Variants in TMTC2 observed in about 807,000 individuals in gnomAD.
TMTC2 encodes transmembrane O-mannosyltransferase targeting cadherins 2.
A neutral mutation model predicts 82.4 loss-of-function variants in TMTC2; 43 were observed. The observed-to-expected ratio is 0.52, with a 90% confidence interval of 0.41 to 0.67. TMTC2 has a LOEUF of 0.67. Among genes scored for constraint, TMTC2 ranks in the 30% least tolerant of loss-of-function variants. The pLI is 0.00. For synonymous variants in TMTC2, 408 were observed against 381.9 expected (o/e 1.07, Z -0.80); for missense variants, 919 against 1,012.4 (o/e 0.91, Z 1.25).
At chr12:83,125,860 A>G (rs1885083671) in intron 11 of TMTC2, among the ~76,000 whole-genome samples, 1 of 152,214 alleles carries the variant, frequency 6.6e-6, no homozygotes, top group South Asian at 2.1e-4. Context: ...GACTCCTGTT[A>G]TATTAATGCA....
intron 2 of TMTC2, among the ~76,000 whole-genome samples, chr12:82,863,625 G>T (rs1284954017): frequency 2.0e-5 from 3 of 152,138 alleles, no homozygotes; most frequent in East Asian, 1.9e-4. Context: ...TATTCCAGTT[G>T]CAGTTTAAGT....
At chr12:83,003,934 G>A (rs147214112) in intron 8 of TMTC2, among the ~76,000 whole-genome samples, 18 of 152,066 alleles carry the variant, frequency 1.2e-4, no homozygotes, top group Middle Eastern at 3.4e-3. Flanking sequence ...GAAAATTTTC[G>A]TGAACTCTTA....
At chr12:83,014,917 C>T (rs1655604) in intron 8 of TMTC2, among the ~76,000 whole-genome samples, 119,946 of 152,062 alleles carry the variant, frequency 0.79, 48,164 homozygotes, top group South Asian at 0.93. Context: ...CTATCTTTGT[C>T]ACAGTCTCAT....
intron 7 of TMTC2, among the ~76,000 whole-genome samples, chr12:82,971,622 A>T (rs1485728116): frequency 6.6e-6 from 1 of 152,130 alleles, no homozygotes; most frequent in African/African-American, 2.4e-5. Context: ...ATTTAAAATA[A>T]AATGACTTGG....
chr12:83,066,485 A>G (rs528669377), intron 11 of TMTC2, among the ~76,000 whole-genome samples: 1 of 152,118 alleles, frequency 6.6e-6, no homozygotes, highest in South Asian at 2.1e-4. Flanking sequence ...TGGAGTTTGT[A>G]TTTTAAAATG....
intron 3 of TMTC2, among the ~76,000 whole-genome samples, chr12:82,898,651 A>G (rs1020047888): frequency 6.6e-6 from 1 of 152,204 alleles, no homozygotes; most frequent in Non-Finnish European, 1.5e-5. Context: ...TTATGGTCCA[A>G]GATGGCTCAT....
At chr12:82,703,224 A>G (rs534491267) in intron 1 of TMTC2, among the ~76,000 whole-genome samples, 2 of 151,986 alleles carry the variant, frequency 1.3e-5, no homozygotes, top group Non-Finnish European at 2.9e-5. Flanking sequence ...AGAACTAACA[A>G]AAGACTAGTA....
chr12:82,826,352 T>C (rs1869422591), intron 1 of TMTC2, among the ~76,000 whole-genome samples: 1 of 152,198 alleles, frequency 6.6e-6, no homozygotes, highest in South Asian at 2.1e-4. Context: ...ACGAATACCA[T>C]GTTGATATTC....
chr12:82,759,480 A>T (rs1321467226), intron 1 of TMTC2: 1 of 152,180 alleles, frequency 6.6e-6, no homozygotes, highest in African/African-American at 2.4e-5. Context: ...AAGCACTTTT[A>T]TGTGAAGAGG....
chr12:83,071,668 A>G (rs1162410417), intron 11 of TMTC2, among the ~76,000 whole-genome samples: 1 of 152,144 alleles, frequency 6.6e-6, no homozygotes, highest in Non-Finnish European at 1.5e-5. Context: ...TTTAATTACC[A>G]TTTTAATCTC....
chr12:82,772,107 G>T (rs1020161660), intron 1 of TMTC2, among the ~76,000 whole-genome samples: 2 of 152,108 alleles, frequency 1.3e-5, no homozygotes, highest in Admixed American at 1.3e-4. Context: ...TGCATTTGTT[G>T]TTTAACTGAA....
rs757827006 is a variant in TMTC2 at position 82,687,623 on chromosome 12, G to A, written c.37G>A (p.Ala13Thr). Residue 13 changes from alanine to threonine, a missense_variant, in exon 1 of 12, where the codon GCC becomes ACC. By Grantham distance (58) the Ala-to-Thr change is moderately conservative. Transcript: ENST00000321196. Reference sequence around the variant, plus strand: ...GTTGGTGAGCAGCGCTCTGGGGCTCGCCTTGTATCTCAACACCCTGAGTGC... The same window carrying A: ...GTTGGTGAGCAGCGCTCTGGGGCTCACCTTGTATCTCAACACCCTGAGTGC... ...AELVSSALGL[A>T]LYLNTLSADF... 3.1e-6 allele frequency: 5 copies of A among 1,604,050 alleles called. No individual in the cohort carries two copies. The highest frequency in any genetic ancestry group is 4.2e-6 in the Non-Finnish European group (5 of 1,176,622).
At chr12:82,696,963 C>CA (rs1491534159) in intron 1 of TMTC2, among the ~76,000 whole-genome samples, 1 of 121,348 alleles carries the variant, frequency 8.2e-6, no homozygotes, top group Admixed American at 8.5e-5. Flanking sequence ...TACATACATA[C>CA]GTATATATAT....
At chr12:83,079,385 G>C (rs552193484) in intron 11 of TMTC2, among the ~76,000 whole-genome samples, 1 of 152,086 alleles carries the variant, frequency 6.6e-6, no homozygotes, top group Non-Finnish European at 1.5e-5. Flanking sequence ...TTTAGTTTTT[G>C]TGAGACAAAT....
At chr12:82,871,997 T>C (rs1171418930) in intron 2 of TMTC2, among the ~76,000 whole-genome samples, 3 of 143,766 alleles carry the variant, frequency 2.1e-5, no homozygotes. Context: ...ACAAAAAAGT[T>C]GAACAACACC....
intron 11 of TMTC2, among the ~76,000 whole-genome samples, chr12:83,064,800 CATTT>C (rs1459788408): frequency 6.6e-6 from 1 of 151,942 alleles, no homozygotes; most frequent in South Asian, 2.1e-4. Flanking sequence ...TTAAAGCATT[CATTT>C]AACATTTATC....
intron 4 of TMTC2, among the ~76,000 whole-genome samples, chr12:82,961,911 C>T (rs1877955241): frequency 6.6e-6 from 1 of 152,028 alleles, no homozygotes; most frequent in Non-Finnish European, 1.5e-5. Context: ...TTACTTAGCC[C>T]ATAAGAAATC....
intron 11 of TMTC2, 107 bp from the exon 12 acceptor site, chr12:83,132,103 T>G (rs770085155): frequency 3.7e-6 from 5 of 1,338,680 alleles, no homozygotes; most frequent in African/African-American, 1.5e-5. Context: ...ACAAAATGCC[T>G]CTAGACATAA....
intron 1 of TMTC2, 89 bp downstream of exon 1, chr12:82,687,758 T>C: frequency 7.7e-7 from 1 of 1,296,456 alleles, no homozygotes; most frequent in South Asian, 1.3e-5. Flanking sequence ...TCAAAGTGCG[T>C]CTTGGAGGAA....
Sources: allele counts gnomAD v4.1 joint callset (sites outside exome capture counted in the v4.1 genomes callset), GRCh38; gene constraint gnomAD v4.1.1; transcripts MANE v1.5; gene names NCBI Gene and HGNC (gene_info 2026-07-23, HGNC 2026-07-21).